The following NSUN6 variants were observed in gnomAD, a reference collection of about 807,000 sequenced individuals.
NSUN6 encodes the protein NOP2/Sun RNA methyltransferase 6, also known as tRNA (cytosine(72)-C(5))-methyltransferase NSUN6.
A neutral mutation model predicts 58.0 loss-of-function variants in NSUN6; 64 were observed. The observed-to-expected ratio is 1.10, with a 90% CI of 0.90 to 1.36. The LOEUF (loss-of-function observed/expected upper bound fraction) is 1.36. Among genes scored for constraint, NSUN6 ranks in the 40% most tolerant of loss-of-function variants. NSUN6 has a pLI of 0.00. For synonymous variants in NSUN6, 231 were observed against 193.9 expected (o/e 1.19, Z -1.59); for missense variants, 701 against 550.1 (o/e 1.27, Z -2.74).
At chr10:18,618,096 G>A (rs2131370118) in intron 3 of NSUN6, among the ~76,000 whole-genome samples, 1 of 152,326 alleles carries the variant, frequency 6.6e-6, no homozygotes, top group African/African-American at 2.4e-5. Flanking sequence ...TAGGAATCAA[G>A]CTATCTTCTA....
chr10:18,610,230 C>T (rs2058183839), intron 5 of NSUN6, among the ~76,000 whole-genome samples: 1 of 151,996 alleles, frequency 6.6e-6, no homozygotes, highest in Non-Finnish European at 1.5e-5. Context: ...GAGCTGTAAT[C>T]CCAGCTCCTC....
At chr10:18,583,210 G>A (rs1024374443) in intron 8 of NSUN6, among the ~76,000 whole-genome samples, 5 of 152,118 alleles carry the variant, frequency 3.3e-5, no homozygotes, top group African/African-American at 9.7e-5. Flanking sequence ...TCTCCACCAC[G>A]CATCTTGTAA....
intron 6 of NSUN6, among the ~76,000 whole-genome samples, chr10:18,601,706 G>T (rs918136375): frequency 2.3e-4 from 35 of 152,242 alleles, no homozygotes; most frequent in African/African-American, 3.4e-4. Flanking sequence ...AATAAGGCTG[G>T]GTCTGGTGGC....
chr10:18,595,134 A>G (rs964367213), intron 7 of NSUN6, among the ~76,000 whole-genome samples: 3 of 152,136 alleles, frequency 2.0e-5, no homozygotes, highest in African/African-American at 7.2e-5. Context: ...GGGCCCACCC[A>G]AGATCATCAG....
At chr10:18,601,233 T>A (rs2057826593) in intron 6 of NSUN6, among the ~76,000 whole-genome samples, 1 of 151,964 alleles carries the variant, frequency 6.6e-6, no homozygotes, top group African/African-American at 2.4e-5. Flanking sequence ...TAGAATGTTA[T>A]CTTGCATGAA....
At chr10:18,568,685 T>C (rs931620362) in intron 8 of NSUN6, among the ~76,000 whole-genome samples, 1 of 151,554 alleles carries the variant, frequency 6.6e-6, no homozygotes, top group Admixed American at 6.6e-5. Context: ...CATTCTGCAT[T>C]CCATTCCCTT....
intron 8 of NSUN6, among the ~76,000 whole-genome samples, chr10:18,574,223 C>T (rs111358016): frequency 1.3e-5 from 2 of 152,078 alleles, no homozygotes; most frequent in Admixed American, 6.6e-5. Context: ...AGTTATTAGT[C>T]GAAGAAAGCA....
chr10:18,655,884 A>G (rs1481800456), upstream of NSUN6, among the ~76,000 whole-genome samples: 2 of 152,202 alleles, frequency 1.3e-5, no homozygotes, highest in Admixed American at 1.3e-4. Context: ...ATTGAGCCCT[A>G]AACTACAGAA....
intron 8 of NSUN6, among the ~76,000 whole-genome samples, chr10:18,566,277 CATTCTCCATCCCATTCT>C (rs1564729507): frequency 7.5e-6 from 1 of 133,342 alleles, no homozygotes; most frequent in Non-Finnish European, 1.8e-5. Context: ...CATTCCATTC[CATTCTCCATCCCATTCT>C]ATTCCATTCT....
At chr10:18,631,768 T>C (rs886895405) in intron 3 of NSUN6, among the ~76,000 whole-genome samples, 3 of 151,170 alleles carry the variant, frequency 2.0e-5, no homozygotes, top group Admixed American at 6.6e-5. Context: ...TACAAACAAA[T>C]GGAAGAACAT....
chr10:18,584,188 C>T (rs989216300), intron 8 of NSUN6, among the ~76,000 whole-genome samples: 1 of 152,198 alleles, frequency 6.6e-6, no homozygotes, highest in Admixed American at 6.5e-5. Context: ...CGAAATCATG[C>T]CTGCTTGGCC....
At chr10:18,622,347 G>A (rs1048360552) in intron 3 of NSUN6, among the ~76,000 whole-genome samples, 82 of 152,276 alleles carry the variant, frequency 5.4e-4, no homozygotes, top group African/African-American at 1.4e-3. Flanking sequence ...GGCACACGTC[G>A]TGGATTTCCA....
chr10:18,574,292 G>A lies in NSUN6; in HGVS notation c.922+11657C>T, dbSNP rs534898060. Among the ~76,000 whole-genome samples the A allele has an allele frequency of 3.9e-5, 6 of 152,162 alleles. No individual in the cohort carries two copies. The East Asian group carries it at 5.8e-4, about 15-fold the overall frequency. Reference sequence around the variant, plus strand: ...GCACGCCTCACCAAGTTAGAACTACGTTAACCAGAGAGCAGGGAGATGGCT... The same window carrying A: ...GCACGCCTCACCAAGTTAGAACTACATTAACCAGAGAGCAGGGAGATGGCT... On this transcript the variant is annotated intron_variant, in intron 8 of 10. Coordinates refer to ENST00000377304, the MANE Select transcript of NSUN6 (RefSeq NM_182543.5).
At position 18,610,512 on chromosome 10, in the gene NSUN6, A is replaced by G. The variant is rs1377636029; in HGVS notation, c.576-586T>C. Among the ~76,000 whole-genome samples, 3 of 152,222 alleles carry G rather than the reference A, an allele frequency of 2.0e-5. No homozygotes were observed. The South Asian group carries it at 6.2e-4, about 31-fold the overall frequency. ...AATGTGTTTCTGTAGAGATTTGAAC[A>G]GACTAAAAAGCAAATACCACCTCAT... On this transcript the variant is annotated intron_variant, in intron 5 of 10. Coordinates refer to ENST00000377304, the MANE Select transcript of NSUN6 (RefSeq NM_182543.5).
chr10:18,569,878 T>C (rs1396110102), intron 8 of NSUN6, among the ~76,000 whole-genome samples: 2 of 150,688 alleles, frequency 1.3e-5, no homozygotes, highest in Non-Finnish European at 3.0e-5. Context: ...CCATTCTCCA[T>C]TCCATTCCAT....
intron 2 of NSUN6, among the ~76,000 whole-genome samples, chr10:18,647,199 G>C (rs771473342): frequency 6.6e-6 from 1 of 152,086 alleles, no homozygotes; most frequent in South Asian, 2.1e-4. Context: ...TTTTTAAAAG[G>C]GGATAAGTGA....
intron 8 of NSUN6, among the ~76,000 whole-genome samples, chr10:18,564,782 CCATTCCATTCCATTCTG>C (rs2055800858): frequency 7.2e-6 from 1 of 138,636 alleles, no homozygotes; most frequent in South Asian, 2.2e-4. Flanking sequence ...ATTCCATTCT[CCATTCCATTCCATTCTG>C]CATTCCATTC....
At chr10:18,569,648 C>T (rs2056221624) in intron 8 of NSUN6, among the ~76,000 whole-genome samples, 1 of 151,098 alleles carries the variant, frequency 6.6e-6, no homozygotes, top group South Asian at 2.1e-4. Flanking sequence ...TTCTCCATTC[C>T]ATTATATTCA....
chr10:18,653,013 G>T (rs2059735697), upstream of NSUN6: 1 of 985,042 alleles, frequency 1.0e-6, no homozygotes, highest in South Asian at 4.7e-5. Context: ...ATAAATCCAT[G>T]AGATTCTTTC....
Sources: gnomAD v4.1 joint callset for allele counts (sites outside exome capture counted in the v4.1 genomes callset) on GRCh38, gnomAD v4.1.1 for gene constraint, MANE v1.5 for transcripts, NCBI Gene and HGNC (gene_info 2026-07-23, HGNC 2026-07-21) for gene names.